The following PHIP variants were observed in gnomAD, a reference collection of about 807,000 sequenced individuals.
PHIP encodes the protein PH-interacting protein.
In PHIP, 54 loss-of-function variants were observed where a neutral mutation model predicts 236.8. That is an observed-to-expected ratio of 0.23 (90% CI 0.18 to 0.29). The LOEUF is 0.29. Among genes scored for constraint, PHIP ranks in the 10% least tolerant of loss-of-function variants. The pLI, the probability that PHIP is intolerant of heterozygous loss-of-function variation, is 1.00. For synonymous variants in PHIP, 756 were observed against 718.9 expected, an observed-to-expected ratio of 1.05 and a Z score of -0.83; for missense variants, 1,370 against 2,190.8, an observed-to-expected ratio of 0.63 and a Z score of 7.48.
intron 4 of PHIP, among the ~76,000 whole-genome samples, chr6:79,064,960 G>A (rs1773554338): frequency 6.6e-6 from 1 of 152,170 alleles, no homozygotes; most frequent in South Asian, 2.1e-4. Context: ...CCACTAAAGT[G>A]TTCCCTACCT....
chr6:78,963,274 T>C (rs1044312000), intron 29 of PHIP, 22 bp from the exon 30 acceptor site: 45 of 1,581,804 alleles, frequency 2.8e-5, no homozygotes, highest in African/African-American at 9.6e-5. Context: ...AAGCAGATCA[T>C]TGCAAATACA....
In PHIP at chr6:78,946,861, C is replaced by T; in HGVS notation, c.4220G>A (p.Ser1407Asn). Reference protein sequence around the residue: ...PSKRSRIYSMSLRLSAFFEEH... With the variant: ...PSKRSRIYSMNLRLSAFFEEH... ...TTCAAAGAAAGCAGACAGGCGCAAA[C>T]TCATGCTGTAAATCTGTGAGGGAAA... The change falls in exon 37 of 40, where the codon AGT becomes AAT. Residue 1407 changes from serine (S) to asparagine (N), a missense_variant. Coordinates refer to ENST00000275034, the MANE Select transcript of PHIP (RefSeq NM_017934.7). 7 of 1,564,948 alleles carry T rather than the reference C, an allele frequency of 4.5e-6. No individual in the cohort carries two copies. The highest frequency in any genetic ancestry group is 6.0e-6 in the Non-Finnish European group (7 of 1,161,934).
chr6:78,995,384 G>C (rs1348164394), intron 19 of PHIP, among the ~76,000 whole-genome samples: 1 of 152,170 alleles, frequency 6.6e-6, no homozygotes. Context: ...ATTCCCAATA[G>C]TGCAACTGCT....
At chr6:78,945,197 T>A (rs1008798905) in intron 39 of PHIP, 103 bp downstream of exon 39, 6 of 852,822 alleles carry the variant, frequency 7.0e-6, no homozygotes, top group Non-Finnish European at 1.2e-5. Context: ...TGTGTGACTT[T>A]TAAGTGGGCA....
At chr6:79,039,872 A>G (rs1252992386) in intron 7 of PHIP, among the ~76,000 whole-genome samples, 1 of 152,156 alleles carries the variant, frequency 6.6e-6, no homozygotes, top group Non-Finnish European at 1.5e-5. Flanking sequence ...CTGACTTGGC[A>G]ATTATGCTAT....
chr6:79,058,435 T>C (rs986716713), intron 6 of PHIP, among the ~76,000 whole-genome samples: 1 of 152,132 alleles, frequency 6.6e-6, no homozygotes, highest in Non-Finnish European at 1.5e-5. Context: ...ATTTTATAAA[T>C]ATTTGGTTCC....
chr6:79,051,301 T>C (rs1772783707), intron 6 of PHIP, among the ~76,000 whole-genome samples: 1 of 152,072 alleles, frequency 6.6e-6, no homozygotes, highest in South Asian at 2.1e-4. Flanking sequence ...CTATAATGAA[T>C]GATAGTCCCA....
intron 9 of PHIP, among the ~76,000 whole-genome samples, chr6:79,019,523 A>G (rs1476000632): frequency 3.3e-5 from 5 of 152,162 alleles, no homozygotes; most frequent in Admixed American, 2.0e-4. Flanking sequence ...ATTCGCAAAC[A>G]TGAATACATT....
intron 29 of PHIP, 46 bp from the exon 30 acceptor site, chr6:78,963,298 G>C (rs766228548): frequency 4.1e-6 from 6 of 1,475,662 alleles, no homozygotes; most frequent in Non-Finnish European, 4.6e-6. Context: ...TAACTTATTA[G>C]TATTCAGGTT....
intron 24 of PHIP, among the ~76,000 whole-genome samples, chr6:78,974,200 C>G (rs1328602211): frequency 6.6e-6 from 1 of 152,154 alleles, no homozygotes; most frequent in African/African-American, 2.4e-5. Context: ...AGCAATCAAA[C>G]TAGAATTCAG....
chr6:79,059,602 TATATATATATATATATATATATAA>T (rs1205331224), intron 6 of PHIP, among the ~76,000 whole-genome samples: 5 of 93,970 alleles, frequency 5.3e-5, no homozygotes, highest in Non-Finnish European at 1.3e-4. Flanking sequence ...TATATATATA[TATATATATATATATATATATATAA>T]AAATGCCAAA....
intron 31 of PHIP, among the ~76,000 whole-genome samples, chr6:78,960,212 TGTATA>T (rs940387968): frequency 1.3e-5 from 2 of 152,220 alleles, no homozygotes; most frequent in African/African-American, 4.8e-5. Flanking sequence ...TCAAACCTTA[TGTATA>T]GTATACTTTA....
intron 4 of PHIP, among the ~76,000 whole-genome samples, chr6:79,065,173 A>T (rs914639303): frequency 6.6e-6 from 1 of 152,210 alleles, no homozygotes; most frequent in Admixed American, 6.5e-5. Context: ...CAATAAATGC[A>T]TACCTTTCCC....
At chr6:79,073,340 CATT>C (rs1191737992) in intron 4 of PHIP, among the ~76,000 whole-genome samples, 2 of 152,228 alleles carry the variant, frequency 1.3e-5, no homozygotes, top group Admixed American at 6.5e-5. Flanking sequence ...TTTTATTCAT[CATT>C]ATAACGACCA....
intron 35 of PHIP, 65 bp downstream of exon 35, chr6:78,954,749 C>A: frequency 5.3e-6 from 5 of 951,356 alleles, no homozygotes; most frequent in South Asian, 1.7e-5. Flanking sequence ...CTAAAATAGC[C>A]AACTGTCATG....
At chr6:79,008,207 A>G (rs1355051092) in intron 15 of PHIP, among the ~76,000 whole-genome samples, 2 of 152,160 alleles carry the variant, frequency 1.3e-5, no homozygotes, top group South Asian at 4.1e-4. Flanking sequence ...AAAAAAATCC[A>G]AATTCCAACA....
intron 6 of PHIP, among the ~76,000 whole-genome samples, chr6:79,059,593 A>T (rs1221383659): frequency 1.0e-4 from 5 of 49,424 alleles, no homozygotes; most frequent in South Asian, 9.3e-4. Context: ...AAGCAAAATT[A>T]TATATATATA....
rs370592424 is a variant in PHIP, at chr6:78,946,792, C to T, written c.4289G>A (p.Arg1430His). 15 of 1,590,104 alleles carry T rather than the reference C, an allele frequency of 9.4e-6. No homozygotes were observed. The highest frequency in any genetic ancestry group is 2.3e-5 in the East Asian group (1 of 43,348). Residue 1430 changes from arginine to histidine, a missense_variant, in exon 37 of 40, where the codon CGT becomes CAT. Physicochemically the swap from Arg to His is conservative, Grantham distance 29 (BLOSUM62 0). This residue lies in a region of PHIP where 125 missense variants were observed against 235.1 expected (regional missense o/e 0.53). Coordinates refer to ENST00000275034, the MANE Select transcript of PHIP (RefSeq NM_017934.7). Reference sequence around the variant, plus strand: ...GGTTATGGTATTTCTTTTATGAAAACGAAGAGCAGATTTATAATCTGATAA... The same window carrying T: ...GGTTATGGTATTTCTTTTATGAAAATGAAGAGCAGATTTATAATCTGATAA... ...SVLSDYKSALRFHKRNTITKR... is the reference protein window; with the variant it reads ...SVLSDYKSALHFHKRNTITKR...
chr6:79,049,996 A>C (rs1014638163), intron 6 of PHIP, among the ~76,000 whole-genome samples: 1 of 152,160 alleles, frequency 6.6e-6, no homozygotes, highest in Non-Finnish European at 1.5e-5. Flanking sequence ...TGCTAATCAT[A>C]ATTTTCTAAC....
Sources: allele counts gnomAD v4.1 joint callset (sites outside exome capture counted in the v4.1 genomes callset), GRCh38; gene constraint gnomAD v4.1.1; regional missense constraint gnomAD v4.1.1; transcripts MANE v1.5; gene names NCBI Gene and HGNC (gene_info 2026-07-23, HGNC 2026-07-21).